Variants in HAPSTR1 observed in about 807,000 individuals in gnomAD.
HAPSTR1 encodes HUWE1-associated protein modifying stress responses 1.
the HAPSTR1 span, among the ~76,000 whole-genome samples, chr16:9,102,196 G>T: frequency 6.6e-6 from 1 of 152,218 alleles, no homozygotes; most frequent in African/African-American, 2.4e-5. Flanking sequence ...GAAAGTTCAA[G>T]GATAAAGTAA....
the HAPSTR1 span, among the ~76,000 whole-genome samples, chr16:9,097,254 TTC>T: frequency 6.6e-6 from 1 of 151,280 alleles, no homozygotes; most frequent in Non-Finnish European, 1.5e-5. Flanking sequence ...TTTTTTTTTT[TTC>T]TTTTGAGACA....
At chr16:9,092,218 G>T in the HAPSTR1 span, 1 of 1,587,762 alleles carries the variant, frequency 6.3e-7, no homozygotes, top group Non-Finnish European at 8.6e-7. Context: ...AGCAGCAGAA[G>T]CTGTGGCACC....
At chr16:9,091,833 G>C in the HAPSTR1 span, 1 of 396,104 alleles carries the variant, frequency 2.5e-6, no homozygotes, top group Non-Finnish European at 4.4e-6. Flanking sequence ...GGGGTGGGAA[G>C]GCCTGGGGCG....
At chr16:9,093,035 G>GA in the HAPSTR1 span, 1 of 1,579,560 alleles carries the variant, frequency 6.3e-7, no homozygotes, top group Non-Finnish European at 8.7e-7. Context: ...CCGATTCAGG[G>GA]AAGGGCCGCC....
the HAPSTR1 span, chr16:9,119,366 G>GTTA: frequency 6.6e-6 from 1 of 152,282 alleles, no homozygotes; most frequent in African/African-American, 2.4e-5. Flanking sequence ...TTCTTGAACG[G>GTTA]TTAAGGGTGG....
At chr16:9,097,395 C>T in the HAPSTR1 span, among the ~76,000 whole-genome samples, 1 of 152,038 alleles carries the variant, frequency 6.6e-6, no homozygotes, top group Non-Finnish European at 1.5e-5. Flanking sequence ...GCACCCATCA[C>T]CATGCCCAGC....
the HAPSTR1 span, among the ~76,000 whole-genome samples, chr16:9,096,099 C>T: frequency 1.3e-5 from 2 of 152,086 alleles, no homozygotes; most frequent in Admixed American, 6.6e-5. Flanking sequence ...TTACTTCTTA[C>T]CTTTATGGTC....
chr16:9,091,644 G>C, the HAPSTR1 span: 44 of 397,798 alleles, frequency 1.1e-4, no homozygotes, highest in Non-Finnish European at 2.0e-4. Context: ...CGACGACGTT[G>C]CTCAGTCTTG....
the HAPSTR1 span, chr16:9,116,691 A>G: frequency 1.2e-6 from 2 of 1,614,180 alleles, no homozygotes; most frequent in East Asian, 2.2e-5. Context: ...AATGGCTAGT[A>G]TAAGCGTGCG....
At chr16:9,115,698 A>G in the HAPSTR1 span, among the ~76,000 whole-genome samples, 5 of 152,022 alleles carry the variant, frequency 3.3e-5, no homozygotes, top group African/African-American at 1.2e-4. Context: ...CTTTGCAACC[A>G]CCGCCTCCCG....
At chr16:9,113,016 TTG>T in the HAPSTR1 span, 4 of 150,690 alleles carry the variant, frequency 2.7e-5, no homozygotes, top group Admixed American at 2.6e-4. Context: ...TTTTTTTTTT[TTG>T]TTTTTTTTGT....
chr16:9,096,393 ATCT>A, the HAPSTR1 span, among the ~76,000 whole-genome samples: 20 of 112,796 alleles, frequency 1.8e-4, no homozygotes, highest in African/African-American at 5.4e-4. Context: ...TTCCTTCTTC[ATCT>A]TCTTTCCCTA....
the HAPSTR1 span, chr16:9,103,830 C>T: frequency 1.3e-5 from 2 of 153,118 alleles, no homozygotes; most frequent in African/African-American, 4.8e-5. Context: ...GGATCTCTAT[C>T]TCCCCAGGCC....
At chr16:9,109,977 G>A in the HAPSTR1 span, 2 of 152,072 alleles carry the variant, frequency 1.3e-5, no homozygotes, top group East Asian at 3.9e-4. Context: ...ACCAAGCACT[G>A]TTTATTAGAG....
chr16:9,117,080 G>A, the HAPSTR1 span: 1 of 922,136 alleles, frequency 1.1e-6, no homozygotes. Flanking sequence ...TATAGTAGAT[G>A]CCTCTTGTAA....
chr16:9,097,019 T>G, the HAPSTR1 span, among the ~76,000 whole-genome samples: 9 of 152,176 alleles, frequency 5.9e-5, no homozygotes, highest in Non-Finnish European at 1.2e-4. Flanking sequence ...CTCGGCTCAC[T>G]GCAACCGCCT....
chr16:9,118,685 C>T, the HAPSTR1 span: 1 of 152,338 alleles, frequency 6.6e-6, no homozygotes, highest in African/African-American at 2.4e-5. Context: ...TGAATACTTT[C>T]AAGCTTCCCT....
chr16:9,105,415 C>T, the HAPSTR1 span: 1 of 152,122 alleles, frequency 6.6e-6, no homozygotes, highest in Non-Finnish European at 1.5e-5. Flanking sequence ...TTGAAAGAAT[C>T]TACAGAAACA....
the HAPSTR1 span, among the ~76,000 whole-genome samples, chr16:9,114,799 T>C: frequency 3.2e-3 from 495 of 152,334 alleles, 3 homozygotes; most frequent in African/African-American, 0.011. Context: ...CTGTTGACCT[T>C]GGATGAATTA....
Sources: gnomAD v4.1 joint callset for allele counts (sites outside exome capture counted in the v4.1 genomes callset) on GRCh38, gnomAD v4.1.1 for gene constraint, MANE v1.5 for transcripts, NCBI Gene and HGNC (gene_info 2026-07-23, HGNC 2026-07-21) for gene names.